HCN1: variants seen among roughly 807,000 people sequenced by gnomAD.
HCN1 encodes hyperpolarization activated cyclic nucleotide gated potassium channel 1, also known as potassium/sodium hyperpolarization-activated cyclic nucleotide-gated channel 1.
In HCN1, 13 loss-of-function variants were observed where a neutral mutation model predicts 78.9. The observed-to-expected ratio is 0.16, with a 90% CI of 0.11 to 0.26. The LOEUF (loss-of-function observed/expected upper bound fraction) is 0.26, where lower values mean the gene tolerates loss of function less well. Ranked by LOEUF, HCN1 falls within the 10% of genes least tolerant of loss-of-function variation. HCN1 has a pLI of 1.00. For synonymous variants in HCN1, 552 were observed against 455.5 expected (o/e 1.21, Z -2.70); for missense variants, 810 against 1,154.3 (o/e 0.70, Z 4.32).
chr5:45,675,929 T>C (rs1746257140), intron 1 of HCN1, among the ~76,000 whole-genome samples: 1 of 151,790 alleles, frequency 6.6e-6, no homozygotes, highest in Middle Eastern at 3.2e-3. Flanking sequence ...AAGAAAAGGT[T>C]GGTGAGCAAA....
At chr5:45,620,957 C>A (rs1745049301) in intron 2 of HCN1, among the ~76,000 whole-genome samples, 1 of 152,086 alleles carries the variant, frequency 6.6e-6, no homozygotes, top group South Asian at 2.1e-4. Context: ...CTGGATTAGA[C>A]AATACACAGT....
chr5:45,531,057 T>TACACAC (rs34789584), intron 2 of HCN1, among the ~76,000 whole-genome samples: 5 of 144,194 alleles, frequency 3.5e-5, no homozygotes, highest in East Asian at 2.0e-4. Flanking sequence ...CTAACACACA[T>TACACAC]ACACACACAC....
intron 4 of HCN1, among the ~76,000 whole-genome samples, chr5:45,365,906 A>G (rs764405337): frequency 3.9e-5 from 6 of 151,932 alleles, no homozygotes; most frequent in Non-Finnish European, 5.9e-5. Flanking sequence ...TGAAGGATCC[A>G]TAACTTAGTT....
intron 2 of HCN1, among the ~76,000 whole-genome samples, chr5:45,489,101 A>G (rs1741829813): frequency 6.6e-6 from 1 of 152,206 alleles, no homozygotes; most frequent in South Asian, 2.1e-4. Flanking sequence ...CTTGGAGTTC[A>G]GAAGAGTTGG....
intron 4 of HCN1, among the ~76,000 whole-genome samples, chr5:45,380,908 T>C (rs1747797009): frequency 6.6e-6 from 1 of 152,156 alleles, no homozygotes; most frequent in South Asian, 2.1e-4. Flanking sequence ...TTAAATGTTA[T>C]TTCCTCTTCC....
rs182284397 is a variant in HCN1, at chr5:45,499,433, C to T, written c.850-37426G>A. ...GCACTTCCCAAGTGAGGCAATGCCTCGCCCTGCTTCGGCTCGTGCACGGTG... is the reference window on the plus strand; with the variant it reads ...GCACTTCCCAAGTGAGGCAATGCCTTGCCCTGCTTCGGCTCGTGCACGGTG... On this transcript the variant is annotated intron_variant, in intron 2 of 7. Coordinates refer to ENST00000303230, the MANE Select transcript of HCN1 (RefSeq NM_021072.4). Among the ~76,000 whole-genome samples, 42 of 152,300 alleles carry T rather than the reference C, an allele frequency of 2.8e-4. No individual in the cohort carries two copies. The East Asian group carries it at 5.8e-3, about 21-fold the overall frequency.
chr5:45,351,336 A>C (rs1274388628), intron 5 of HCN1, among the ~76,000 whole-genome samples: 1 of 138,294 alleles, frequency 7.2e-6, no homozygotes, highest in Non-Finnish European at 1.5e-5. Context: ...TAGAAAGCTG[A>C]AACTGGATCC....
chr5:45,657,299 T>C (rs925649614), intron 1 of HCN1, among the ~76,000 whole-genome samples: 1 of 152,240 alleles, frequency 6.6e-6, no homozygotes, highest in Non-Finnish European at 1.5e-5. Flanking sequence ...AAAGAACTCA[T>C]GTATGTATGT....
chr5:45,427,403 C>A (rs1288330702), intron 3 of HCN1, among the ~76,000 whole-genome samples: 1 of 152,092 alleles, frequency 6.6e-6, no homozygotes, highest in African/African-American at 2.4e-5. Flanking sequence ...GGTTTTAGTT[C>A]TATTTTTATA....
At chr5:45,451,191 C>T (rs1203623628) in intron 3 of HCN1, among the ~76,000 whole-genome samples, 1 of 152,046 alleles carries the variant, frequency 6.6e-6, no homozygotes, top group African/African-American at 2.4e-5. Flanking sequence ...ACTGTCTCTA[C>T]ATCTCTCATT....
chr5:45,433,040 A>G (rs1426539429), intron 3 of HCN1, among the ~76,000 whole-genome samples: 2 of 152,058 alleles, frequency 1.3e-5, no homozygotes, highest in South Asian at 4.1e-4. Flanking sequence ...AGAACAGCAC[A>G]TGGAAAGACC....
At position 45,311,592 on chromosome 5, in the gene HCN1, C is replaced by T. The variant is rs566293373; in HGVS notation, c.1378-7753G>A. ...TAAGTTCTCTGGAGTGGACTTGTTGCTTTAGTGTTGATAATTATGGCATAA... is the reference window on the plus strand; with the variant it reads ...TAAGTTCTCTGGAGTGGACTTGTTGTTTTAGTGTTGATAATTATGGCATAA... On this transcript the variant is annotated intron_variant, in intron 5 of 7. Coordinates refer to ENST00000303230, the MANE Select transcript of HCN1 (RefSeq NM_021072.4). Among the ~76,000 whole-genome samples the T allele has an allele frequency of 4.2e-4, 64 of 152,100 alleles. 1 individual carries two copies. The South Asian group carries it at 7.5e-3, about 18-fold the overall frequency.
chr5:45,261,295 A>G lies in HCN1; in HGVS notation c.*626T>C, dbSNP rs916709682. On this transcript the variant is annotated 3_prime_UTR_variant, in exon 8 of 8. Coordinates refer to ENST00000303230, the MANE Select transcript of HCN1 (RefSeq NM_021072.4). ...TTTCCCTCAGCTTTCTGAAAGATCA[A>G]TGAACATGTTTGAGGTTAGTGATAT... 2 of 152,684 alleles carry G rather than the reference A, an allele frequency of 1.3e-5. No homozygotes were observed. Among genetic ancestry groups the G allele is most frequent in the Non-Finnish European group, 1.5e-5 (1 of 68,072 alleles). 9.5% of individuals were successfully genotyped at this position (152,684 alleles called of 1,614,324 possible). A position where few individuals can be genotyped will look rare whatever the true frequency, so the allele number is the denominator to read the frequency against.
intron 1 of HCN1, among the ~76,000 whole-genome samples, chr5:45,654,071 A>G (rs541999890): frequency 6.6e-6 from 1 of 152,270 alleles, no homozygotes; most frequent in South Asian, 2.1e-4. Context: ...GACAACAAGA[A>G]CAAAGATATC....
At chr5:45,634,584 A>G (rs1182995940) in intron 2 of HCN1, among the ~76,000 whole-genome samples, 6 of 151,850 alleles carry the variant, frequency 4.0e-5, no homozygotes, top group Non-Finnish European at 7.4e-5. Context: ...TTACAAATCT[A>G]GAAGTTCTTC....
intron 4 of HCN1, among the ~76,000 whole-genome samples, chr5:45,354,262 C>T (rs1037045215): frequency 9.2e-5 from 14 of 151,654 alleles, no homozygotes; most frequent in African/African-American, 3.1e-4. Context: ...GAAACAATCC[C>T]TAGGTGTTTC....
chr5:45,488,909 T>C (rs1415887866), intron 2 of HCN1, among the ~76,000 whole-genome samples: 3 of 152,204 alleles, frequency 2.0e-5, no homozygotes, highest in Non-Finnish European at 4.4e-5. Context: ...TGAAGGGCAC[T>C]GCAGTTTGTG....
chr5:45,633,910 T>G (rs1745313580), intron 2 of HCN1, among the ~76,000 whole-genome samples: 2 of 151,956 alleles, frequency 1.3e-5, no homozygotes, highest in African/African-American at 2.4e-5. Context: ...AGTCATAAGC[T>G]TACCTACTTT....
chr5:45,265,762 C>T (rs774664255), intron 7 of HCN1, among the ~76,000 whole-genome samples: 1 of 152,176 alleles, frequency 6.6e-6, no homozygotes, highest in Non-Finnish European at 1.5e-5. Flanking sequence ...TCCCTTCCTA[C>T]CTCTCTTCAA....
Sources: allele counts gnomAD v4.1 joint callset (sites outside exome capture counted in the v4.1 genomes callset), GRCh38; gene constraint gnomAD v4.1.1; transcripts MANE v1.5; gene names NCBI Gene and HGNC (gene_info 2026-07-23, HGNC 2026-07-21).